Variants in FRS3 observed in about 807,000 individuals in gnomAD.
FRS3 encodes the protein fibroblast growth factor receptor substrate 3.
A neutral mutation model predicts 41.9 loss-of-function variants in FRS3; 17 were observed. That is an observed-to-expected ratio of 0.41 (90% CI 0.28 to 0.61). FRS3 has a LOEUF of 0.61. Among genes scored for constraint, FRS3 ranks in the 20% least tolerant of loss-of-function variants. FRS3 has a pLI of 0.36. For missense variants in FRS3, 619 were observed against 672.1 expected, an observed-to-expected ratio of 0.92 and a Z score of 0.87; for synonymous variants, 287 against 274.5, an observed-to-expected ratio of 1.05 and a Z score of -0.45.
intron 2 of FRS3, 139 bp from the exon 3 acceptor site, chr6:41,777,149 A>C: frequency 1.6e-6 from 1 of 634,656 alleles, no homozygotes; most frequent in Non-Finnish European, 2.8e-6. Context: ...CCCCTCAAAG[A>C]CTTCACATTC....
rs202151715 is a variant in FRS3, at chr6:41,771,358, G to T, written c.740C>A (p.Thr247Asn). 1 of 1,613,638 alleles carries T rather than the reference G, an allele frequency of 6.2e-7. No homozygotes were observed. Among genetic ancestry groups the T allele is most frequent in the East Asian group, 2.2e-5 (1 of 44,858 alleles). ...PGQVKFVLGP[T>N]PARRHMVKCQ... ...CTTCACCATGTGCCGCCGAGCAGGG[G>T]TCGGGCCCAACACAAACTTCACCTG... is the stretch of plus-strand genomic sequence containing the variant. Residue 247 changes from threonine to asparagine, a missense_variant, in exon 7 of 7, where the codon ACC (threonine) becomes AAC (asparagine). By Grantham distance (65) the Thr-to-Asn change is moderately conservative. Around this residue, in one of 3 missense-constraint regions of FRS3, gnomAD observed 487 missense variants for 478.3 expected, o/e 1.02. Coordinates refer to ENST00000373018, the MANE Select transcript of FRS3 (RefSeq NM_006653.5).
intron 4 of FRS3, among the ~76,000 whole-genome samples, chr6:41,774,727 A>G (rs1014129231): frequency 6.6e-6 from 1 of 152,230 alleles, no homozygotes; most frequent in Admixed American, 6.5e-5. Flanking sequence ...GTGCCTGTGC[A>G]TATACCCACA....
In FRS3 at chr6:41,771,532, G is replaced by T. The variant is rs760799697; in HGVS notation, c.566C>A (p.Ser189Tyr). The T allele has an allele frequency of 6.5e-7, 1 of 1,527,538 alleles. No individual in the cohort carries two copies. Among genetic ancestry groups the T allele is most frequent in the Non-Finnish European group, 8.8e-7 (1 of 1,141,394 alleles). 94.6% of individuals were successfully genotyped at this position (1,527,538 alleles called of 1,614,324 possible). A position where few individuals can be genotyped will look rare whatever the true frequency, so the allele number is the denominator to read the frequency against. ...THALIAPDEQSHTYVNTPASE... is the reference protein window; with the variant it reads ...THALIAPDEQYHTYVNTPASE... Reference sequence around the variant, plus strand: ...GGCCGGTGTGTTGACATAGGTGTGGGACTGGGGAAAGAGTCCAAGTGAGGC... The same window carrying T: ...GGCCGGTGTGTTGACATAGGTGTGGTACTGGGGAAAGAGTCCAAGTGAGGC... Residue 189 changes from serine (S) to tyrosine (Y), a missense_variant and splice_region_variant, in exon 7 of 7, where the codon TCC becomes TAC. Around this residue, in one of 3 missense-constraint regions of FRS3, gnomAD observed 487 missense variants for 478.3 expected, o/e 1.02. Coordinates refer to ENST00000373018, the MANE Select transcript of FRS3 (RefSeq NM_006653.5).
Position 41,776,966 on chromosome 6 carries a change from GGCAGCTGCA to G in FRS3, c.13_21del (p.Cys5_Cys7del), listed in dbSNP as rs1256515475. 5.0e-6 allele frequency: 8 copies of G among 1,614,156 alleles called. No homozygotes were observed. Among genetic ancestry groups the G allele is most frequent in the Non-Finnish European group, 6.8e-6 (8 of 1,180,016 alleles). ...TTGTCTGGAACGCTGTCTCTGTTCA[GGCAGCTGCA>G]GCAGCTCCCCATGGTGTCAGAGCAG... On this transcript the variant is annotated inframe_deletion, in exon 3 of 7. Coordinates refer to ENST00000373018, the MANE Select transcript of FRS3 (RefSeq NM_006653.5).
chr6:41,772,836 G>C lies in FRS3; in HGVS notation c.377C>G (p.Ala126Gly). 1 of 1,613,588 alleles carries C rather than the reference G, an allele frequency of 6.2e-7. No individual in the cohort carries two copies. Among genetic ancestry groups the C allele is most frequent in the Non-Finnish European group, 8.5e-7 (1 of 1,179,932 alleles). ...GGGGGCTCGAGGGAGGTCAAGCTCA[G>C]CGGGGTGGCTATTGCGGGTGATGAT... ...PVIITRNSHP[A>G]ELDLPRAPQP... is the part of the protein sequence containing the mutation. The change falls in exon 5 of 7, where the codon GCT becomes GGT. Residue 126 changes from alanine to glycine, a missense_variant. By Grantham distance (60) the Ala-to-Gly change is moderately conservative (BLOSUM62 0). Around this residue, in one of 3 missense-constraint regions of FRS3, gnomAD observed 487 missense variants for 478.3 expected, o/e 1.02. Transcript: ENST00000373018.
At position 41,771,861 on chromosome 6, in the gene FRS3, C is replaced by A. The variant is rs200943029; in HGVS notation, c.519G>T (p.Ser173=). The change falls in exon 6 of 7, where the codon TCG becomes TCT. Residue 173 remains serine (S), a synonymous_variant. Coordinates refer to ENST00000373018, the MANE Select transcript of FRS3 (RefSeq NM_006653.5). ...RLSTSSLRHP[S]LGEESTHALI... ...GGGCATGGGTGGACTCTTCCCCAAGCGAGGGGTGCCGCAGGCTGCTTGTCG... is the reference window on the plus strand; with the variant it reads ...GGGCATGGGTGGACTCTTCCCCAAGAGAGGGGTGCCGCAGGCTGCTTGTCG... The A allele has an allele frequency of 9.5e-5, 147 of 1,553,036 alleles. No individual in the cohort carries two copies. The East Asian group carries it at 3.5e-3, about 37-fold the overall frequency.
chr6:41,771,220 C>T lies in FRS3; in HGVS notation c.878G>A (p.Gly293Glu), dbSNP rs200811439. The T allele has an allele frequency of 3.7e-5, 59 of 1,573,402 alleles. No individual in the cohort carries two copies. In the East Asian group the frequency reaches 1.3e-3, roughly 34 times the overall value. The change falls in exon 7 of 7, where the codon GGG becomes GAG. Residue 293 changes from glycine (G) to glutamate (E), a missense_variant. Gly to Glu is a moderately conservative substitution (Grantham distance 98). This residue lies in a region of FRS3 where 487 missense variants were observed against 478.3 expected (regional missense o/e 1.02). Transcript: ENST00000373018. ...PKCTYENVTGGLWRGAGWRLS... is the reference protein window; with the variant it reads ...PKCTYENVTGELWRGAGWRLS... Reference sequence around the variant, plus strand: ...TCTCCAGCCAGCCCCTCGCCACAGCCCCCCGGTGACGTTCTCGTAGGTGCA... The same window carrying T: ...TCTCCAGCCAGCCCCTCGCCACAGCTCCCCGGTGACGTTCTCGTAGGTGCA...
chr6:41,778,539 G>A (rs1316233207), intron 1 of FRS3, among the ~76,000 whole-genome samples: 1 of 152,176 alleles, frequency 6.6e-6, no homozygotes, highest in African/African-American at 2.4e-5. Context: ...CTGTGATATA[G>A]TAGAGACAGC....
rs1209876743 is a variant in FRS3, at chr6:41,771,948, G to A, written c.432C>T (p.Val144=). The change falls in exon 6 of 7, where the codon GTC becomes GTT. Residue 144 remains valine (V), a synonymous_variant. Coordinates refer to ENST00000373018, the MANE Select transcript of FRS3 (RefSeq NM_006653.5). The stretch of plus-strand genomic sequence containing the variant: ...CAGGGCAGCCATTGGAAAAGCTGGA[G>A]ACAGTGTAGCCTAGAGCTGAGCACA... The part of the protein sequence containing the change: ...PQPPNALGYT[V]SSFSNGCPGE... The A allele has an allele frequency of 6.4e-7, 1 of 1,563,928 alleles. No individual in the cohort carries two copies. Among genetic ancestry groups the A allele is most frequent in the Non-Finnish European group, 8.7e-7 (1 of 1,153,926 alleles).
rs754585539 is a variant in FRS3 at position 41,770,864 on chromosome 6, G to A, written c.1234C>T (p.Pro412Ser). Residue 412 changes from proline to serine, a missense_variant, in exon 7 of 7, where the codon CCA (proline) becomes TCA (serine). Coordinates refer to ENST00000373018, the MANE Select transcript of FRS3 (RefSeq NM_006653.5). ...FDFRRPGPEPPRQLNYIQVEL... is the reference protein window; with the variant it reads ...FDFRRPGPEPSRQLNYIQVEL... ...ACCTGGATGTAGTTAAGCTGCCTTGGGGGCTCGGGCCCCGGCCGGCGGAAA... is the reference window on the plus strand; with the variant it reads ...ACCTGGATGTAGTTAAGCTGCCTTGAGGGCTCGGGCCCCGGCCGGCGGAAA... 24 of 1,609,522 alleles carry A rather than the reference G, an allele frequency of 1.5e-5. No homozygotes were observed. Among genetic ancestry groups the A allele is most frequent in the Non-Finnish European group, 1.9e-5 (23 of 1,179,928 alleles).
chr6:41,771,793 G>A (rs1191143585), intron 6 of FRS3, 23 bp downstream of exon 6: 3 of 1,548,062 alleles, frequency 1.9e-6, no homozygotes, highest in African/African-American at 1.4e-5. Flanking sequence ...AACAGGGCAG[G>A]GGCTGGCCGG....
intron 5 of FRS3, among the ~76,000 whole-genome samples, chr6:41,772,332 C>T (rs185118800): frequency 9.9e-4 from 151 of 152,248 alleles, no homozygotes; most frequent in African/African-American, 3.5e-3. Flanking sequence ...TTCTCCTGTC[C>T]CCCATGGGCC....
intron 4 of FRS3, among the ~76,000 whole-genome samples, chr6:41,773,960 T>C (rs1376808688): frequency 6.6e-6 from 1 of 152,070 alleles, no homozygotes; most frequent in Non-Finnish European, 1.5e-5. Context: ...TCTTCTTTTA[T>C]TTTTTCGGAG....
rs916795961 is a variant in FRS3, at chr6:41,771,807, C to T, written c.564+9G>A. The T allele has an allele frequency of 2.7e-5, 42 of 1,550,072 alleles. No homozygotes were observed. The highest frequency in any genetic ancestry group is 3.4e-5 in the Non-Finnish European group (39 of 1,147,326). On this transcript the variant is annotated intron_variant, in intron 6 of 6. Transcript: ENST00000373018. Reference sequence around the variant, plus strand: ...CAACAGGGCAGGGGCTGGCCGGCTGCGTGCTCACCTGCTCATCAGGAGCAA... The same window carrying T: ...CAACAGGGCAGGGGCTGGCCGGCTGTGTGCTCACCTGCTCATCAGGAGCAA...
intron 2 of FRS3, 131 bp from the exon 3 acceptor site, chr6:41,777,141 C>A (rs758213898): frequency 4.7e-6 from 3 of 641,500 alleles, no homozygotes; most frequent in Non-Finnish European, 8.4e-6. Flanking sequence ...ACAGACCCCC[C>A]CTCAAAGACT....
intron 5 of FRS3, among the ~76,000 whole-genome samples, chr6:41,772,287 G>C (rs1772315393): frequency 6.6e-6 from 1 of 152,160 alleles, no homozygotes; most frequent in African/African-American, 2.4e-5. Flanking sequence ...GTAAGGTCCA[G>C]GGAAGCTCCT....
intron 4 of FRS3, 89 bp downstream of exon 4, chr6:41,775,330 C>T (rs987613905): frequency 1.9e-6 from 2 of 1,044,528 alleles, no homozygotes; most frequent in South Asian, 3.4e-5. Flanking sequence ...GGGGATAACA[C>T]TAACCTCTTG....
At chr6:41,779,409 A>C (rs1432807084) in intron 1 of FRS3, among the ~76,000 whole-genome samples, 1 of 151,876 alleles carries the variant, frequency 6.6e-6, no homozygotes, top group Non-Finnish European at 1.5e-5. Context: ...TGGGGATATG[A>C]GGGATCCTAG....
intron 5 of FRS3, 45 bp downstream of exon 5, chr6:41,772,753 T>TGTGTGTGTGA: frequency 7.0e-7 from 1 of 1,427,536 alleles, no homozygotes. Context: ...GGCGTGTGTG[T>TGTGTGTGTGA]GTGTGTGTGT....
Sources: gnomAD v4.1 joint callset for allele counts (sites outside exome capture counted in the v4.1 genomes callset) on GRCh38, gnomAD v4.1.1 for gene constraint, gnomAD v4.1.1 regional missense constraint, MANE v1.5 for transcripts, NCBI Gene and HGNC (gene_info 2026-07-23, HGNC 2026-07-21) for gene names.